NXPH1: variants seen among roughly 807,000 people sequenced by gnomAD.
NXPH1 encodes the protein neurexophilin-1.
NXPH1 carries 5 observed loss-of-function variants against 23.7 expected under a neutral mutation model. That is an observed-to-expected ratio of 0.21 (90% CI 0.11 to 0.44). NXPH1 has a LOEUF of 0.44. Ranked by LOEUF, NXPH1 falls within the 20% of genes least tolerant of loss-of-function variation. NXPH1 has a pLI of 0.99. For missense variants in NXPH1, 324 were observed against 321.6 expected, an observed-to-expected ratio of 1.01 and a Z score of -0.06; for synonymous variants, 144 against 122.2, an observed-to-expected ratio of 1.18 and a Z score of -1.18.
intron 2 of NXPH1, among the ~76,000 whole-genome samples, chr7:8,453,450 C>A (rs988943981): frequency 1.3e-5 from 2 of 152,264 alleles, no homozygotes; most frequent in Admixed American, 1.3e-4. Context: ...TTATTTCCAA[C>A]TGTGGCATTT....
chr7:8,722,295 C>T (rs887177675), intron 2 of NXPH1, among the ~76,000 whole-genome samples: 4 of 152,146 alleles, frequency 2.6e-5, no homozygotes, highest in Non-Finnish European at 4.4e-5. Flanking sequence ...AAAAGCAAGA[C>T]TTCTGAAAAT....
At chr7:8,747,789 C>T (rs1420430517) in intron 2 of NXPH1, among the ~76,000 whole-genome samples, 1 of 151,926 alleles carries the variant, frequency 6.6e-6, no homozygotes, top group East Asian at 1.9e-4. Flanking sequence ...ACACAGTCTC[C>T]CAAATCCAAA....
At chr7:8,483,539 G>A (rs1817108868) in intron 2 of NXPH1, among the ~76,000 whole-genome samples, 2 of 151,968 alleles carry the variant, frequency 1.3e-5, no homozygotes, top group South Asian at 4.1e-4. Context: ...AAACTCCTGG[G>A]CTCAAGCGAT....
At chr7:8,437,281 A>T (rs975625176) in intron 2 of NXPH1, among the ~76,000 whole-genome samples, 1 of 151,876 alleles carries the variant, frequency 6.6e-6, no homozygotes, top group African/African-American at 2.4e-5. Context: ...ACCTGTGTTC[A>T]GTAAGCCCAC....
chr7:8,487,288 G>A (rs1277935165), intron 2 of NXPH1, among the ~76,000 whole-genome samples: 1 of 152,138 alleles, frequency 6.6e-6, no homozygotes, highest in African/African-American at 2.4e-5. Context: ...CTAAATCACA[G>A]GGGTGGGTTT....
chr7:8,732,277 T>G (rs61401638), intron 2 of NXPH1, among the ~76,000 whole-genome samples: 1 of 152,072 alleles, frequency 6.6e-6, no homozygotes, highest in South Asian at 2.1e-4. Context: ...GTACCTCAGA[T>G]GGAAATGCAG....
At chr7:8,670,992 G>T (rs1039788165) in intron 2 of NXPH1, among the ~76,000 whole-genome samples, 3 of 152,148 alleles carry the variant, frequency 2.0e-5, no homozygotes, top group African/African-American at 7.2e-5. Flanking sequence ...TCATCGTCAT[G>T]TTCTTTAACA....
intron 2 of NXPH1, among the ~76,000 whole-genome samples, chr7:8,527,082 T>A (rs1408545008): frequency 6.6e-6 from 1 of 152,168 alleles, no homozygotes; most frequent in South Asian, 2.1e-4. Flanking sequence ...TCCTATTAAT[T>A]GGTATTTGGG....
intron 2 of NXPH1, among the ~76,000 whole-genome samples, chr7:8,466,469 C>T (rs1165611707): frequency 6.6e-6 from 1 of 152,240 alleles, no homozygotes; most frequent in East Asian, 1.9e-4. Context: ...TTTTTATGAA[C>T]AGAAAAATGT....
rs536551007 is a variant in NXPH1 at position 8,710,914 on chromosome 7, G to C, written c.55-40094G>C. On this transcript the variant is annotated intron_variant, in intron 2 of 2. Coordinates refer to ENST00000405863, the MANE Select transcript of NXPH1 (RefSeq NM_152745.3). ...CCTGACCTCATGATCCACCCGCCTC[G>C]GCCTCCCAAAGTGCTGGGACTACAG... 1.4e-4 allele frequency among the ~76,000 whole-genome samples: 16 copies of C among 113,940 alleles called. 3 individuals carry two copies. The South Asian group carries it at 1.7e-3, about 12-fold the overall frequency. The allele number at this position is 113,940 out of a possible 152,430, so 74.7% of individuals were successfully genotyped here.
chr7:8,588,851 A>T (rs1231254847), intron 2 of NXPH1, among the ~76,000 whole-genome samples: 1 of 152,140 alleles, frequency 6.6e-6, no homozygotes, highest in Non-Finnish European at 1.5e-5. Flanking sequence ...AGGCCATAAA[A>T]TTTAGAACAC....
intron 2 of NXPH1, among the ~76,000 whole-genome samples, chr7:8,493,578 T>C (rs530512611): frequency 3.3e-4 from 50 of 152,218 alleles, no homozygotes; most frequent in South Asian, 2.3e-3. Flanking sequence ...TTCATTGTTA[T>C]ATGACTACAA....
intron 2 of NXPH1, among the ~76,000 whole-genome samples, chr7:8,528,817 A>G (rs544308617): frequency 2.0e-5 from 3 of 152,384 alleles, no homozygotes; most frequent in African/African-American, 7.2e-5. Flanking sequence ...AAGAGAGTAC[A>G]TGAGTTTTCT....
chr7:8,685,897 T>C (rs893905863), intron 2 of NXPH1, among the ~76,000 whole-genome samples: 24 of 152,094 alleles, frequency 1.6e-4, no homozygotes, highest in Admixed American at 6.6e-5. Flanking sequence ...AGAATAATTG[T>C]ACATTTTAAA....
intron 2 of NXPH1, among the ~76,000 whole-genome samples, chr7:8,716,750 A>C (rs1490147254): frequency 6.6e-6 from 1 of 152,184 alleles, no homozygotes; most frequent in Non-Finnish European, 1.5e-5. Context: ...GGGAATATTT[A>C]ACTAGTATGT....
intron 2 of NXPH1, among the ~76,000 whole-genome samples, chr7:8,671,606 T>A (rs1221943820): frequency 6.6e-6 from 1 of 152,126 alleles, no homozygotes; most frequent in Non-Finnish European, 1.5e-5. Context: ...GGAATGGTTC[T>A]GTGATGGTTT....
intron 2 of NXPH1, among the ~76,000 whole-genome samples, chr7:8,739,202 A>AAAAAC (rs1780319329): frequency 6.9e-6 from 1 of 145,884 alleles, no homozygotes; most frequent in East Asian, 2.1e-4. Context: ...AAAAAAAAAA[A>AAAAAC]AACCCTGCAG....
chr7:8,750,878 C>T lies in NXPH1; in HGVS notation c.55-130C>T, dbSNP rs1164921992. The T allele has an allele frequency of 4.7e-6, 4 of 848,236 alleles. No homozygotes were observed. In the African/African-American group the frequency reaches 5.1e-5, roughly 11 times the overall value. The allele number at this position is 848,236 out of a possible 1,614,324, so 52.5% of individuals were successfully genotyped here. A position where few individuals can be genotyped will look rare whatever the true frequency, so the allele number is the denominator to read the frequency against. On this transcript the variant is annotated intron_variant, in intron 2 of 2. Coordinates refer to ENST00000405863, the MANE Select transcript of NXPH1 (RefSeq NM_152745.3). ...TTAGATCTCTGCTTTGGGTGTTCTT[C>T]TCAGATGCGGTGCTTTTAAAAAAAA...
intron 2 of NXPH1, among the ~76,000 whole-genome samples, chr7:8,551,254 G>C (rs1401502445): frequency 1.3e-5 from 2 of 151,306 alleles, no homozygotes; most frequent in African/African-American, 4.8e-5. Flanking sequence ...CAAATGAATT[G>C]TCTACTCATA....
Sources: gnomAD v4.1 joint callset for allele counts (sites outside exome capture counted in the v4.1 genomes callset) on GRCh38, gnomAD v4.1.1 for gene constraint, MANE v1.5 for transcripts, NCBI Gene and HGNC (gene_info 2026-07-23, HGNC 2026-07-21) for gene names.